The following CACNA2D3 variants were observed in gnomAD, a reference collection of about 807,000 sequenced individuals.
CACNA2D3 encodes the protein calcium voltage-gated channel auxiliary subunit alpha2delta 3, also known as voltage-dependent calcium channel subunit alpha-2/delta-3.
A neutral mutation model predicts 160.6 loss-of-function variants in CACNA2D3; 60 were observed. That is an observed-to-expected ratio of 0.37 (90% confidence interval 0.30 to 0.46). CACNA2D3 has a LOEUF of 0.46. Among genes scored for constraint, CACNA2D3 ranks in the 20% least tolerant of loss-of-function variants. The pLI, the probability that CACNA2D3 is intolerant of heterozygous loss-of-function variation, is 1.00. For synonymous variants in CACNA2D3, 558 were observed against 492.9 expected (o/e 1.13, Z -1.75); for missense variants, 1,205 against 1,365.0 (o/e 0.88, Z 1.85).
At chr3:54,812,598 G>A (rs573761720) in intron 13 of CACNA2D3, among the ~76,000 whole-genome samples, 2 of 152,292 alleles carry the variant, frequency 1.3e-5, no homozygotes, top group Non-Finnish European at 2.9e-5. Flanking sequence ...TCTTCCATAA[G>A]GAGTCGTGCC....
intron 21 of CACNA2D3, among the ~76,000 whole-genome samples, chr3:54,882,031 C>T (rs1699810065): frequency 6.6e-6 from 1 of 152,180 alleles, no homozygotes; most frequent in African/African-American, 2.4e-5. Flanking sequence ...GAGCTGGGCA[C>T]AACCCAGAGT....
intron 11 of CACNA2D3, among the ~76,000 whole-genome samples, chr3:54,747,805 T>C (rs957278470): frequency 2.6e-5 from 4 of 152,182 alleles, no homozygotes; most frequent in Admixed American, 2.6e-4. Flanking sequence ...CACTCCATTT[T>C]GTCTAGATCT....
At chr3:54,312,969 C>A (rs1459027815) in intron 2 of CACNA2D3, among the ~76,000 whole-genome samples, 2 of 152,198 alleles carry the variant, frequency 1.3e-5, no homozygotes, top group Non-Finnish European at 2.9e-5. Context: ...TTGTCTGTTA[C>A]ATCGAGACCT....
chr3:54,264,407 TGTAA>T (rs1471457639), intron 2 of CACNA2D3, among the ~76,000 whole-genome samples: 2 of 152,170 alleles, frequency 1.3e-5, no homozygotes, highest in Non-Finnish European at 2.9e-5. Context: ...CAGAAGGAAG[TGTAA>T]GTCTCTCAGC....
chr3:54,562,043 A>G (rs774483943), intron 5 of CACNA2D3, among the ~76,000 whole-genome samples: 10 of 152,190 alleles, frequency 6.6e-5, no homozygotes, highest in Non-Finnish European at 1.5e-4. Context: ...CCCCACCCCC[A>G]TGATTCAATT....
chr3:54,838,619 G>A lies in CACNA2D3; in HGVS notation c.1522G>A (p.Glu508Lys), dbSNP rs777168401. The A allele has an allele frequency of 6.8e-6, 11 of 1,613,488 alleles. No individual in the cohort carries two copies. The South Asian group carries it at 1.2e-4, about 18-fold the overall frequency. The change falls in exon 16 of 38, where the codon GAA (glutamate) becomes AAA (lysine). Residue 508 changes from glutamate (E) to lysine (K), a missense_variant. Physicochemically the swap from Glu to Lys is moderately conservative, Grantham distance 56. Around this residue, in one of 3 missense-constraint regions of CACNA2D3, gnomAD observed 911 missense variants for 1,002.2 expected, o/e 0.91. Transcript: ENST00000474759. ...GVVGTDVPVKELLKTIPKYKL... is the reference protein window; with the variant it reads ...GVVGTDVPVKKLLKTIPKYKL... ...GGTTGGCACAGATGTCCCAGTGAAA[G>A]AACTTCTGAAGACCATCCCCAAATA...
intron 4 of CACNA2D3, among the ~76,000 whole-genome samples, chr3:54,421,707 G>T (rs116049127): frequency 6.6e-6 from 1 of 152,308 alleles, no homozygotes; most frequent in African/African-American, 2.4e-5. Flanking sequence ...GGGTTGGGAA[G>T]CAGGGCATGT....
chr3:55,070,035 A>G (rs1248729820), intron 35 of CACNA2D3, among the ~76,000 whole-genome samples: 1 of 152,116 alleles, frequency 6.6e-6, no homozygotes, highest in Non-Finnish European at 1.5e-5. Context: ...TTATCATTTC[A>G]AGTTCTGTCA....
rs1436407110 is a variant in CACNA2D3 at position 54,879,387 on chromosome 3, C to G, written c.1820C>G (p.Thr607Arg). 1 of 1,605,856 alleles carries G rather than the reference C, an allele frequency of 6.2e-7. No individual in the cohort carries two copies. Among genetic ancestry groups the G allele is most frequent in the Admixed American group, 1.7e-5 (1 of 59,580 alleles). Residue 607 changes from threonine to arginine, a missense_variant, in exon 20 of 38, where the codon ACA (threonine) becomes AGA (arginine). By Grantham distance (71) the Thr-to-Arg change is moderately conservative. Transcript: ENST00000474759. ...VLVMTNDYYYTDIKGTPFSLG... is the reference protein window; with the variant it reads ...VLVMTNDYYYRDIKGTPFSLG... ...GTGATGACAAATGACTACTATTATA[C>G]AGACATCAAGGGTACTCCTTTCAGG...
intron 14 of CACNA2D3, among the ~76,000 whole-genome samples, chr3:54,817,561 GT>G (rs1703484605): frequency 6.6e-6 from 1 of 152,208 alleles, no homozygotes; most frequent in Non-Finnish European, 1.5e-5. Flanking sequence ...CTGCTGCATT[GT>G]TCTTGTGTGT....
chr3:54,187,331 C>T (rs756674330), intron 2 of CACNA2D3, among the ~76,000 whole-genome samples: 3 of 152,168 alleles, frequency 2.0e-5, no homozygotes, highest in Non-Finnish European at 4.4e-5. Flanking sequence ...GATCTCATAG[C>T]AACTGGGTAG....
intron 11 of CACNA2D3, among the ~76,000 whole-genome samples, chr3:54,714,549 G>A (rs2106970415): frequency 6.6e-6 from 1 of 152,264 alleles, no homozygotes; most frequent in Middle Eastern, 3.4e-3. Flanking sequence ...CTTGGAAAGT[G>A]GAAATTGGTA....
At chr3:54,411,028 T>G (rs987119089) in intron 4 of CACNA2D3, among the ~76,000 whole-genome samples, 1 of 152,214 alleles carries the variant, frequency 6.6e-6, no homozygotes, top group South Asian at 2.1e-4. Context: ...AGGAAGTTAC[T>G]GTAGATGTGG....
intron 2 of CACNA2D3, among the ~76,000 whole-genome samples, chr3:54,265,592 A>G (rs1425452267): frequency 6.7e-6 from 1 of 149,868 alleles, no homozygotes; most frequent in Non-Finnish European, 1.5e-5. Flanking sequence ...GTATATATAT[A>G]TAGTGTGTAT....
At chr3:54,540,621 C>T (rs1437106895) in intron 5 of CACNA2D3, among the ~76,000 whole-genome samples, 2 of 152,152 alleles carry the variant, frequency 1.3e-5, no homozygotes, top group Non-Finnish European at 2.9e-5. Context: ...GGTGAGGACT[C>T]TTTTCCTAGT....
chr3:54,988,977 G>A (rs1702679469), intron 31 of CACNA2D3, among the ~76,000 whole-genome samples: 1 of 152,148 alleles, frequency 6.6e-6, no homozygotes, highest in African/African-American at 2.4e-5. Context: ...GGGAGTCATT[G>A]TACACATGCT....
intron 11 of CACNA2D3, among the ~76,000 whole-genome samples, chr3:54,655,338 C>G (rs1237398369): frequency 6.6e-6 from 1 of 152,136 alleles, no homozygotes; most frequent in East Asian, 1.9e-4. Flanking sequence ...AAGAATTAAA[C>G]AAAATGTTGC....
At chr3:54,424,260 C>G (rs1699880864) in intron 4 of CACNA2D3, among the ~76,000 whole-genome samples, 1 of 152,156 alleles carries the variant, frequency 6.6e-6, no homozygotes, top group Non-Finnish European at 1.5e-5. Flanking sequence ...AGCCAGGCTG[C>G]AAAAAGAGGC....
intron 4 of CACNA2D3, among the ~76,000 whole-genome samples, chr3:54,448,216 G>A (rs1700252557): frequency 6.6e-6 from 1 of 152,154 alleles, no homozygotes; most frequent in Non-Finnish European, 1.5e-5. Context: ...CTCCCTGGCA[G>A]CTCAACATAA....
Sources: allele counts gnomAD v4.1 joint callset (sites outside exome capture counted in the v4.1 genomes callset), GRCh38; gene constraint gnomAD v4.1.1; regional missense constraint gnomAD v4.1.1; transcripts MANE v1.5; gene names NCBI Gene and HGNC (gene_info 2026-07-23, HGNC 2026-07-21).